The following GNAS variants were observed in gnomAD, a reference collection of about 807,000 sequenced individuals.
The protein encoded by GNAS is GNAS complex locus, also known as protein ALEX.
Under a neutral mutation model 54.5 loss-of-function variants are expected in GNAS, and 8 were observed. The ratio of observed to expected loss-of-function variants is 0.15; its 90% CI spans 0.09 to 0.26. The LOEUF is 0.26. Ranked by LOEUF, GNAS falls within the 10% of genes least tolerant of loss-of-function variation. The probability of loss-of-function intolerance (pLI) is 1.00; values close to 1 mark genes in which losing one functional copy is unlikely to be tolerated. For synonymous variants in GNAS, 204 were observed against 191.4 expected, an observed-to-expected ratio of 1.07 and a Z score of -0.54; for missense variants, 170 against 529.8, an observed-to-expected ratio of 0.32 and a Z score of 6.67.
At chr20:58,908,118 C>T (rs1311240593) in intron 6 of GNAS, among the ~76,000 whole-genome samples, 1 of 152,174 alleles carries the variant, frequency 6.6e-6, no homozygotes, top group African/African-American at 2.4e-5. Context: ...AAGAGGGGAA[C>T]AGAAAACTTA....
rs74934823 is a variant in GNAS at position 58,853,892 on chromosome 20, G to A, written c.43+13006G>A. ...AGCCCCAAGCCCTCAGGCCTGCAAA[G>A]GCTGGCTCCAGAGGAGGCTACAGCC... On this transcript the variant is annotated intron_variant, in intron 1 of 12. Transcript: ENST00000306090. This position sits in a 1 kb window ranked among gnomAD's most constrained non-coding sequence, Gnocchi z 4.4. The A allele has an allele frequency of 6.3e-3, 10,075 of 1,601,150 alleles. 538 individuals carry two copies. The African/African-American group carries it at 0.12, about 19-fold the overall frequency.
upstream of GNAS, chr20:58,889,308 G>GCGGC (rs2088876263): frequency 1.0e-6 from 1 of 990,246 alleles, no homozygotes; most frequent in Non-Finnish European, 1.2e-6. Flanking sequence ...GCGGCGGCGG[G>GCGGC]CGGCCGGCAG....
At chr20:58,844,215 C>T (rs1455780479) in intron 1 of GNAS, 1 of 152,176 alleles carries the variant, frequency 6.6e-6, no homozygotes, top group East Asian at 1.9e-4. Context: ...AAGCATGTCT[C>T]CTAACTGCTT....
chr20:58,841,383 T>A lies in GNAS; in HGVS notation c.43+497T>A. ...AGACACCGTTGAAATGTGCGGAAAG[T>A]AATCTGAATGGGAATGGGCGAGAAC... is the stretch of plus-strand genomic sequence containing the variant. On this transcript the variant is annotated intron_variant, in intron 1 of 12. Coordinates refer to the GNAS transcript ENST00000306090. This position sits in a 1 kb window ranked among gnomAD's most constrained non-coding sequence, Gnocchi z 5.0. 9.9e-7 allele frequency: 1 copy of A among 1,013,264 alleles called. No individual in the cohort carries two copies. Among genetic ancestry groups the A allele is most frequent in the Non-Finnish European group, 1.2e-6 (1 of 846,754 alleles). The allele number at this position is 1,013,264 out of a possible 1,614,324, so 62.8% of individuals were successfully genotyped here.
rs536657777 is a variant in GNAS, at chr20:58,876,390, G to A, written c.44-19222G>A. Reference sequence around the variant, plus strand: ...AGAGTTCAAAGTCACTCAGAGGGGCGGGTTTTTATTTTTTTAATGTCACCC... The same window carrying A: ...AGAGTTCAAAGTCACTCAGAGGGGCAGGTTTTTATTTTTTTAATGTCACCC... On this transcript the variant is annotated intron_variant, in intron 1 of 12. Coordinates refer to the GNAS transcript ENST00000306090. Among the ~76,000 whole-genome samples the A allele has an allele frequency of 1.4e-3, 219 of 151,680 alleles. 1 individual carries two copies. Among genetic ancestry groups the A allele is most frequent in the Admixed American group, 5.6e-3 (85 of 15,272 alleles).
At chr20:58,844,983 C>T (rs2085890088) in intron 1 of GNAS, among the ~76,000 whole-genome samples, 1 of 152,166 alleles carries the variant, frequency 6.6e-6, no homozygotes, top group Admixed American at 6.5e-5. Flanking sequence ...TGTCCTTTCC[C>T]TAAACTGGAA....
intron 6 of GNAS, among the ~76,000 whole-genome samples, chr20:58,906,518 A>C (rs1308876087): frequency 6.6e-6 from 1 of 150,402 alleles, no homozygotes; most frequent in Non-Finnish European, 1.5e-5. Context: ...AGGGTTATTT[A>C]AAAAATATGT....
At chr20:58,867,441 T>TA (rs2145677586) in intron 1 of GNAS, 1 of 152,378 alleles carries the variant, frequency 6.6e-6, no homozygotes, top group East Asian at 1.9e-4. Context: ...GGAGCGCTCT[T>TA]ACGAAATCGT....
upstream of GNAS, chr20:58,840,794 TC>T (rs773279644): frequency 1.9e-6 from 3 of 1,611,868 alleles, no homozygotes; most frequent in East Asian, 4.5e-5. This position sits in a 1 kb window ranked among gnomAD's most constrained non-coding sequence, Gnocchi z 6.0. Context: ...CCGTGACGCG[TC>T]CCCGGAGTCC....
chr20:58,849,616 C>T (rs1038878538), intron 1 of GNAS, among the ~76,000 whole-genome samples: 1 of 152,186 alleles, frequency 6.6e-6, no homozygotes, highest in African/African-American at 2.4e-5. Context: ...ACCTTGCCAG[C>T]CCCTCCCACT....
rs1032409195 is a variant in GNAS, at chr20:58,863,698, A to G, written c.43+22812A>G. Reference sequence around the variant, plus strand: ...ACAAGGAAATTAAGACTTGGGCTGCAAGAGCCTCGCCTCTCTCTTCTGATT... The same window carrying G: ...ACAAGGAAATTAAGACTTGGGCTGCGAGAGCCTCGCCTCTCTCTTCTGATT... On this transcript the variant is annotated intron_variant, in intron 1 of 12. Transcript: ENST00000306090. This position sits in a 1 kb window ranked among gnomAD's most constrained non-coding sequence, Gnocchi z 4.1. 6 of 152,520 alleles carry G rather than the reference A, an allele frequency of 3.9e-5. No homozygotes were observed. The highest frequency in any genetic ancestry group is 1.4e-4 in the African/African-American group (6 of 41,452). 9.4% of individuals were successfully genotyped at this position (152,520 alleles called of 1,614,324 possible).
At chr20:58,854,510 A>G (rs773322632) in intron 1 of GNAS, 2 of 1,574,384 alleles carry the variant, frequency 1.3e-6, no homozygotes, top group Non-Finnish European at 1.7e-6. Context: ...ACTCCGGGAC[A>G]GCACCAGCCG....
At chr20:58,875,624 C>A (rs891583749) in intron 1 of GNAS, among the ~76,000 whole-genome samples, 5 of 152,218 alleles carry the variant, frequency 3.3e-5, no homozygotes, top group African/African-American at 1.2e-4. Context: ...ACGTGGACCC[C>A]TCACACCAGA....
At chr20:58,876,701 C>A (rs565537371) in intron 1 of GNAS, 1 of 152,312 alleles carries the variant, frequency 6.6e-6, no homozygotes, top group East Asian at 1.9e-4. Context: ...GGATTTTACC[C>A]TCCCAGATGC....
At chr20:58,889,956 G>A (rs1212917880), upstream of GNAS, among the ~76,000 whole-genome samples, 1 of 151,122 alleles carries the variant, frequency 6.6e-6, no homozygotes, top group East Asian at 1.9e-4. Flanking sequence ...GGCTGCCGAG[G>A]TGGCTGCCGA....
rs773387497 is a variant in GNAS, at chr20:58,857,991, T to C, written c.43+17105T>C. 2.3e-4 allele frequency among the ~76,000 whole-genome samples: 35 copies of C among 152,320 alleles called. No individual in the cohort carries two copies. Among genetic ancestry groups the C allele is most frequent in the Admixed American group, 1.0e-3 (16 of 15,304 alleles). On this transcript the variant is annotated intron_variant, in intron 1 of 12. Coordinates refer to the GNAS transcript ENST00000306090. The surrounding 1 kb of genome is among the most constrained non-coding windows in gnomAD (Gnocchi z 4.1). ...TAAGCCTGAAATATGATAGCCAGTG[T>C]TAGCTGCTAGCTGAAACTGTACCAC...
rs868122717 is a variant in GNAS, at chr20:58,852,950, T to C, written c.43+12064T>C. On this transcript the variant is annotated intron_variant, in intron 1 of 12. Transcript: ENST00000306090. ...CAGATCCAAGCAGGCGGGACTGGCC[T>C]GGAGCAAAAAGAAAGAGAGAGGAGG... is the stretch of plus-strand genomic sequence containing the variant. The C allele has an allele frequency of 2.2e-5, 23 of 1,054,724 alleles. No homozygotes were observed. The Middle Eastern group carries it at 2.4e-3, about 109-fold the overall frequency. 65.3% of individuals were successfully genotyped at this position (1,054,724 alleles called of 1,614,324 possible).
chr20:58,855,700 G>T (rs1363703200), intron 1 of GNAS: 9 of 656,616 alleles, frequency 1.4e-5, no homozygotes, highest in Non-Finnish European at 2.5e-5. Flanking sequence ...CCCTGGCTAG[G>T]CTGGTGGGGT....
At chr20:58,854,644 A>T in intron 1 of GNAS, 1 of 1,528,358 alleles carries the variant, frequency 6.5e-7, no homozygotes, top group Non-Finnish European at 8.7e-7. Flanking sequence ...GCGGCCCCTG[A>T]CGCCCCAGCC....
Sources: gnomAD v4.1 joint callset for allele counts (sites outside exome capture counted in the v4.1 genomes callset) on GRCh38, gnomAD v4.1.1 for gene constraint, Gnocchi (gnomAD v3.1) non-coding constraint, MANE v1.5 for transcripts, NCBI Gene and HGNC (gene_info 2026-07-23, HGNC 2026-07-21) for gene names.